Variants in HECW2 observed in about 807,000 individuals in gnomAD.
The protein encoded by HECW2 is E3 ubiquitin-protein ligase HECW2.
In HECW2, 61 loss-of-function variants were observed where a neutral mutation model predicts 175.2. The ratio of observed to expected loss-of-function variants is 0.35; its 90% CI spans 0.28 to 0.43. HECW2 has a LOEUF of 0.43. HECW2 is among the 20% of genes least tolerant of loss of function. The pLI is 1.00. For missense variants in HECW2, 1,524 were observed against 2,000.5 expected (o/e 0.76, Z 4.54); for synonymous variants, 671 against 731.0 (o/e 0.92, Z 1.32).
intron 1 of HECW2, among the ~76,000 whole-genome samples, chr2:196,500,379 G>C (rs1052045849): frequency 3.3e-5 from 5 of 151,962 alleles, no homozygotes; most frequent in Non-Finnish European, 7.4e-5. Context: ...ATACATACAT[G>C]CATACATACA....
At chr2:196,505,080 G>A (rs1401637648) in intron 1 of HECW2, among the ~76,000 whole-genome samples, 1 of 152,148 alleles carries the variant, frequency 6.6e-6, no homozygotes, top group Admixed American at 6.5e-5. Flanking sequence ...TCAGTCAACA[G>A]AGACATCAGC....
chr2:196,254,132 C>T, intron 18 of HECW2, 103 bp from the exon 19 acceptor site: 1 of 1,480,994 alleles, frequency 6.8e-7, no homozygotes, highest in Non-Finnish European at 9.1e-7. Flanking sequence ...CGGTTTATAT[C>T]CCAAAGAGAG....
At chr2:196,527,658 G>A (rs1035846106) in intron 1 of HECW2, among the ~76,000 whole-genome samples, 1 of 152,170 alleles carries the variant, frequency 6.6e-6, no homozygotes, top group African/African-American at 2.4e-5. Context: ...GTATTTTTAT[G>A]TTGAAACAAA....
intron 7 of HECW2, 55 bp from the exon 8 acceptor site, chr2:196,320,494 C>G: frequency 8.7e-7 from 1 of 1,151,026 alleles, no homozygotes; most frequent in South Asian, 1.3e-5. Context: ...CAGCCTTCGC[C>G]GTCTTTCCAC....
rs1430349765 is a variant in HECW2, at chr2:196,198,013, C to T, written c.*3264G>A. ...CGCAATATATGCTAGAAAATTGTGA[C>T]CATACTTCTTTGACCAAGATCCATT... On this transcript the variant is annotated 3_prime_UTR_variant, in exon 29 of 29. Coordinates refer to ENST00000644978, the MANE Select transcript of HECW2 (RefSeq NM_001348768.2). 1 of 152,156 alleles carries T rather than the reference C, an allele frequency of 6.6e-6. No homozygotes were observed. The highest frequency in any genetic ancestry group is 6.5e-5 in the Admixed American group (1 of 15,282). The allele number at this position is 152,156 out of a possible 1,614,324, so 9.4% of individuals were successfully genotyped here. A position where few individuals can be genotyped will look rare whatever the true frequency, so the allele number is the denominator to read the frequency against.
At chr2:196,486,973 A>G (rs959027775) in intron 1 of HECW2, among the ~76,000 whole-genome samples, 2 of 151,974 alleles carry the variant, frequency 1.3e-5, no homozygotes, top group Non-Finnish European at 2.9e-5. Context: ...GTCACTACAA[A>G]AAACTTTTTT....
intron 1 of HECW2, among the ~76,000 whole-genome samples, chr2:196,457,666 C>A (rs1696565475): frequency 6.6e-6 from 1 of 151,560 alleles, no homozygotes; most frequent in African/African-American, 2.4e-5. Context: ...ATATTCCCGA[C>A]CCTAAAAATG....
At chr2:196,226,683 T>C (rs888122347) in intron 22 of HECW2, among the ~76,000 whole-genome samples, 1 of 19,768 alleles carries the variant, frequency 5.1e-5, no homozygotes, top group African/African-American at 1.5e-4. Context: ...GCATGAATAT[T>C]AGCAGAATTT....
intron 28 of HECW2, among the ~76,000 whole-genome samples, chr2:196,212,435 G>C (rs1687324330): frequency 6.6e-6 from 1 of 152,140 alleles, no homozygotes; most frequent in South Asian, 2.1e-4. Context: ...CCGCTTGTGA[G>C]AAGATGTAGT....
At chr2:196,581,154 T>C (rs1690765112) in intron 1 of HECW2, among the ~76,000 whole-genome samples, 1 of 152,148 alleles carries the variant, frequency 6.6e-6, no homozygotes, top group South Asian at 2.1e-4. Context: ...TAACTACTAA[T>C]GGGTATGTAG....
rs567220151 is a variant in HECW2, at chr2:196,433,406, C to A, written c.18G>T (p.Arg6=). The change falls in exon 2 of 29, where the codon CGG becomes CGT. Residue 6 remains arginine, a synonymous_variant. Coordinates refer to ENST00000644978, the MANE Select transcript of HECW2 (RefSeq NM_001348768.2). ...GACGCCTCACAAAAAGCAGGTGCTC[C>A]CGGGCTGAACTAGCCATCCCGTCTG... MASSA[R]EHLLFVRRRN... 6.2e-7 allele frequency: 1 copy of A among 1,613,636 alleles called. No homozygotes were observed. The highest frequency in any genetic ancestry group is 1.7e-5 in the Admixed American group (1 of 59,998).
chr2:196,223,567 A>T (rs889934569), intron 23 of HECW2, among the ~76,000 whole-genome samples: 1 of 152,202 alleles, frequency 6.6e-6, no homozygotes, highest in South Asian at 2.1e-4. Flanking sequence ...CTTAAGACAG[A>T]ATTTCTAGAG....
chr2:196,569,714 T>A (rs1372335423), intron 1 of HECW2, among the ~76,000 whole-genome samples: 1 of 152,220 alleles, frequency 6.6e-6, no homozygotes, highest in East Asian at 1.9e-4. Flanking sequence ...TAGGATAAAT[T>A]ATAATGAACA....
chr2:196,258,784 T>C (rs1464207494), intron 17 of HECW2, among the ~76,000 whole-genome samples: 1 of 152,236 alleles, frequency 6.6e-6, no homozygotes, highest in Non-Finnish European at 1.5e-5. Context: ...ACTAAAATCA[T>C]TCTATTTCAT....
intron 23 of HECW2, among the ~76,000 whole-genome samples, chr2:196,223,154 C>T (rs1357110636): frequency 6.6e-6 from 1 of 152,064 alleles, no homozygotes; most frequent in Non-Finnish European, 1.5e-5. Flanking sequence ...AGTCACTACC[C>T]CCAGGAGCTA....
rs555535327 is a variant in HECW2, at chr2:196,409,160, T to C, written c.292+23972A>G. On this transcript the variant is annotated intron_variant, in intron 2 of 28. Transcript: ENST00000644978. Reference sequence around the variant, plus strand: ...CAGTTTGTCAACACACTACTGACCATGGCACTTGGCTAGAAAGGCTCTGGG... The same window carrying C: ...CAGTTTGTCAACACACTACTGACCACGGCACTTGGCTAGAAAGGCTCTGGG... Among the ~76,000 whole-genome samples, 29 of 152,286 alleles carry C rather than the reference T, an allele frequency of 1.9e-4. No homozygotes were observed. The East Asian group carries it at 4.6e-3, about 24-fold the overall frequency.
chr2:196,298,867 T>C (rs983617423), intron 13 of HECW2, among the ~76,000 whole-genome samples: 2 of 152,220 alleles, frequency 1.3e-5, no homozygotes, highest in South Asian at 4.1e-4. Context: ...GAAAGAGGTA[T>C]AGATCATAAA....
chr2:196,372,213 G>C (rs959499379), intron 2 of HECW2, among the ~76,000 whole-genome samples: 6 of 152,152 alleles, frequency 3.9e-5, no homozygotes, highest in Non-Finnish European at 7.3e-5. Context: ...TTCTTGATAT[G>C]TGGCAATAAC....
At chr2:196,490,245 A>C (rs934856429) in intron 1 of HECW2, among the ~76,000 whole-genome samples, 3 of 151,984 alleles carry the variant, frequency 2.0e-5, no homozygotes, top group Non-Finnish European at 4.4e-5. Flanking sequence ...CAAATTAAAC[A>C]AAACAACAAC....
Sources: gnomAD v4.1 joint callset for allele counts (sites outside exome capture counted in the v4.1 genomes callset) on GRCh38, gnomAD v4.1.1 for gene constraint, MANE v1.5 for transcripts, NCBI Gene and HGNC (gene_info 2026-07-23, HGNC 2026-07-21) for gene names.